Variants in DMD observed in about 807,000 individuals in gnomAD.
DMD encodes mutant dystrophin.
DMD carries 63 observed loss-of-function variants against 330.1 expected under a neutral mutation model. The ratio of observed to expected loss-of-function variants is 0.19; its 90% CI spans 0.16 to 0.24. DMD has a LOEUF of 0.24. DMD is among the 10% of genes least tolerant of loss of function. The pLI, the probability that DMD is intolerant of heterozygous loss-of-function variation, is 1.00. For synonymous variants in DMD, 1,223 were observed against 959.8 expected, an observed-to-expected ratio of 1.27 and a Z score of -5.07; for missense variants, 3,344 against 2,684.1, an observed-to-expected ratio of 1.25 and a Z score of -5.43.
intron 1 of DMD, among the ~76,000 whole-genome samples, chrX:33,189,163 A>G (rs921256614): frequency 9.0e-6 from 1 of 111,353 alleles, no homozygotes; most frequent in Non-Finnish European, 1.9e-5. Context: ...GAACAATAAC[A>G]AAAAGATGAT....
At chrX:32,992,489 A>C (rs370531429) in intron 2 of DMD, among the ~76,000 whole-genome samples, 1 of 111,880 alleles carries the variant, frequency 8.9e-6, no homozygotes. Flanking sequence ...TAAGAATAAA[A>C]CACCCTGATT....
At chrX:31,775,781 GAGA>G (rs200540934) in intron 50 of DMD, among the ~76,000 whole-genome samples, 1,200 of 111,716 alleles carry the variant, frequency 0.011, 23 homozygotes, top group African/African-American at 0.037. Context: ...CTCCTCATTA[GAGA>G]AGAAGATGAG....
At chrX:31,535,886 C>T (rs2073358604) in intron 55 of DMD, among the ~76,000 whole-genome samples, 1 of 111,887 alleles carries the variant, frequency 8.9e-6, no homozygotes, top group African/African-American at 3.2e-5. Flanking sequence ...AGATTAGGTA[C>T]TCTGAATGCA....
At chrX:32,787,213 A>AGTGTGT (rs72078806) in intron 7 of DMD, among the ~76,000 whole-genome samples, 2,362 of 83,160 alleles carry the variant, frequency 0.028, 41 homozygotes, top group African/African-American at 0.065. Context: ...CTCTCTGTCA[A>AGTGTGT]GTGTGTGTGT....
chrX:31,967,281 T>C (rs1381077422), intron 45 of DMD, among the ~76,000 whole-genome samples: 2 of 105,164 alleles, frequency 1.9e-5, no homozygotes, highest in Non-Finnish European at 3.9e-5. Flanking sequence ...GCTATAATTC[T>C]TTAACTTTGG....
At chrX:32,295,028 T>G (rs1404903544) in intron 42 of DMD, among the ~76,000 whole-genome samples, 3 of 111,598 alleles carry the variant, frequency 2.7e-5, no homozygotes, top group Non-Finnish European at 5.6e-5. Flanking sequence ...TTATCTTATC[T>G]GAAAATATGA....
intron 44 of DMD, among the ~76,000 whole-genome samples, chrX:32,156,304 C>T (rs2096830064): frequency 8.9e-6 from 1 of 111,819 alleles, no homozygotes; most frequent in Non-Finnish European, 1.9e-5. Flanking sequence ...CTTTTGAACC[C>T]GGGAGGCAGT....
intron 54 of DMD, among the ~76,000 whole-genome samples, chrX:31,655,211 T>A (rs760898995): frequency 9.0e-6 from 1 of 111,631 alleles, no homozygotes; most frequent in East Asian, 2.8e-4. Flanking sequence ...AATGGAACAC[T>A]AGGATAAATA....
At chrX:31,370,535 A>C (rs751663621) in intron 60 of DMD, among the ~76,000 whole-genome samples, 1 of 112,374 alleles carries the variant, frequency 8.9e-6, no homozygotes, top group Non-Finnish European at 1.9e-5. Context: ...AATAATGACA[A>C]CACCAAATGT....
chrX:31,811,412 T>C (rs1421171508), intron 50 of DMD, among the ~76,000 whole-genome samples: 1 of 112,034 alleles, frequency 8.9e-6, no homozygotes, highest in East Asian at 2.8e-4. Flanking sequence ...GGGCTTTCTG[T>C]TGTCACTCCC....
chrX:31,987,964 G>T (rs2095521040), intron 44 of DMD, among the ~76,000 whole-genome samples: 1 of 111,606 alleles, frequency 9.0e-6, no homozygotes, highest in African/African-American at 3.3e-5. Context: ...GATGAATAAA[G>T]AAAATATTGC....
At chrX:31,491,033 G>A (rs986683291) in intron 57 of DMD, among the ~76,000 whole-genome samples, 11 of 112,275 alleles carry the variant, frequency 9.8e-5, no homozygotes, top group African/African-American at 3.2e-4. Flanking sequence ...TGTATGTATT[G>A]ATTACTTCCA....
chrX:32,057,803 T>C (rs2096190207), intron 44 of DMD, among the ~76,000 whole-genome samples: 1 of 111,137 alleles, frequency 9.0e-6, no homozygotes, highest in African/African-American at 3.3e-5. Flanking sequence ...GGAAGAAGAA[T>C]AAACTGGAGG....
intron 13 of DMD, among the ~76,000 whole-genome samples, chrX:32,592,755 G>A (rs1040798492): frequency 4.4e-5 from 5 of 112,361 alleles, no homozygotes; most frequent in African/African-American, 1.6e-4. Flanking sequence ...GCAGAGCCCA[G>A]ACCTTGGGGC....
chrX:32,702,393 A>T (rs2064216226), intron 7 of DMD, among the ~76,000 whole-genome samples: 1 of 111,498 alleles, frequency 9.0e-6, no homozygotes, highest in African/African-American at 3.3e-5. Flanking sequence ...GGCAGTGGGA[A>T]TATGTAGAAT....
intron 60 of DMD, among the ~76,000 whole-genome samples, chrX:31,439,309 G>A (rs1261215631): frequency 9.0e-6 from 1 of 111,588 alleles, no homozygotes; most frequent in Non-Finnish European, 1.9e-5. Flanking sequence ...GGACCAAACA[G>A]GATCATTACA....
At chrX:31,205,507 T>C (rs1275423447) in intron 66 of DMD, among the ~76,000 whole-genome samples, 3 of 112,325 alleles carry the variant, frequency 2.7e-5, no homozygotes, top group African/African-American at 9.7e-5. Context: ...ATATTTACAA[T>C]GTGCTGTCAC....
chrX:31,752,735 C>A, intron 51 of DMD, among the ~76,000 whole-genome samples: 1 of 111,246 alleles, frequency 9.0e-6, no homozygotes, highest in Non-Finnish European at 1.9e-5. Context: ...TAGGGTATTG[C>A]CTTCTGGGAT....
chrX:31,220,896 A>ATTTT (rs61226425), intron 64 of DMD, among the ~76,000 whole-genome samples: 4 of 34,812 alleles, frequency 1.1e-4, no homozygotes, highest in Non-Finnish European at 1.4e-4. Flanking sequence ...TTTTTTTGCG[A>ATTTT]TTTTTTTTTT....
Sources: gnomAD v4.1 joint callset for allele counts (sites outside exome capture counted in the v4.1 genomes callset) on GRCh38, gnomAD v4.1.1 for gene constraint, MANE v1.5 for transcripts, NCBI Gene and HGNC (gene_info 2026-07-23, HGNC 2026-07-21) for gene names.